Variants in FHIT observed in about 807,000 individuals in gnomAD.
FHIT encodes the protein fragile histidine triad diadenosine triphosphatase, also known as bis(5'-adenosyl)-triphosphatase.
In FHIT, 19 loss-of-function variants were observed where a neutral mutation model predicts 17.9. The observed-to-expected ratio is 1.06, with a 90% CI of 0.74 to 1.56. FHIT has a LOEUF of 1.56. FHIT is among the 40% of genes most tolerant of loss of function. The probability of loss-of-function intolerance (pLI) is 0.00; values close to 1 mark genes in which losing one functional copy is unlikely to be tolerated. For synonymous variants in FHIT, 81 were observed against 69.7 expected (o/e 1.16, Z -0.81); for missense variants, 248 against 189.2 (o/e 1.31, Z -1.82).
chr3:61,239,354 C>T (rs1185720663), intron 1 of FHIT, among the ~76,000 whole-genome samples: 1 of 152,152 alleles, frequency 6.6e-6, no homozygotes, highest in Non-Finnish European at 1.5e-5. Flanking sequence ...GCCTTCTTTT[C>T]TCCCTTTGAT....
At chr3:61,070,128 A>G (rs2034753863) in intron 2 of FHIT, among the ~76,000 whole-genome samples, 1 of 152,116 alleles carries the variant, frequency 6.6e-6, no homozygotes, top group African/African-American at 2.4e-5. Context: ...TCCTGACCTC[A>G]AATGATCCAC....
chr3:60,426,299 T>C lies in FHIT; in HGVS notation c.103+110561A>G, dbSNP rs145708769. ...CCATGGAAGTATTAAATGGGCAAAA[T>C]ACAATTGAAAGAAGAGAAAGATCTC... On this transcript the variant is annotated intron_variant, in intron 5 of 9. Transcript: ENST00000492590. Among the ~76,000 whole-genome samples, 1,439 of 152,216 alleles carry C rather than the reference T, an allele frequency of 9.5e-3. 13 individuals carry two copies. The highest frequency in any genetic ancestry group is 0.017 in the Middle Eastern group (5 of 294).
At chr3:60,249,283 T>C (rs965341297) in intron 5 of FHIT, among the ~76,000 whole-genome samples, 13 of 152,130 alleles carry the variant, frequency 8.5e-5, no homozygotes, top group Admixed American at 2.6e-4. Context: ...GAATGAACTA[T>C]TACTAAAAAA....
intron 5 of FHIT, among the ~76,000 whole-genome samples, chr3:60,041,363 T>C (rs1238771054): frequency 6.6e-6 from 1 of 152,228 alleles, no homozygotes; most frequent in African/African-American, 2.4e-5. Context: ...TATGTTTTTT[T>C]CTTGAGCCAA....
At chr3:59,872,112 C>A (rs1702952484) in intron 8 of FHIT, among the ~76,000 whole-genome samples, 1 of 152,150 alleles carries the variant, frequency 6.6e-6, no homozygotes, top group Admixed American at 6.6e-5. Context: ...CTTTCCCTAA[C>A]CATTTTATGC....
chr3:60,590,505 T>C (rs1032603293), intron 4 of FHIT, among the ~76,000 whole-genome samples: 7 of 152,130 alleles, frequency 4.6e-5, no homozygotes, highest in African/African-American at 1.7e-4. Context: ...CAGGGCATAA[T>C]ATATATGCAC....
At chr3:60,302,228 A>C (rs1708484938) in intron 5 of FHIT, among the ~76,000 whole-genome samples, 1 of 152,060 alleles carries the variant, frequency 6.6e-6, no homozygotes. Context: ...GTTCAAGGAA[A>C]GCTTGGTTTT....
In FHIT at chr3:60,636,086, A is replaced by G. The variant is rs112774299; in HGVS notation, c.-17-99107T>C. Among the ~76,000 whole-genome samples, 146 of 140,502 alleles carry G rather than the reference A, an allele frequency of 1.0e-3. 1 individual carries two copies. The highest frequency in any genetic ancestry group is 7.0e-3 in the Admixed American group (94 of 13,440). The allele number at this position is 140,502 out of a possible 152,430, so 92.2% of individuals were successfully genotyped here. On this transcript the variant is annotated intron_variant, in intron 4 of 9. Transcript: ENST00000492590. ...TGTACAATGATTTTTTTTTTTTGAG[A>G]CAGAGTCTTGCTCTCTCGCCCAGAC...
intron 5 of FHIT, among the ~76,000 whole-genome samples, chr3:60,375,515 C>CA (rs1375990602): frequency 2.6e-5 from 4 of 152,006 alleles, no homozygotes; most frequent in African/African-American, 9.7e-5. Context: ...GCAGAGGTTG[C>CA]AGTGAGCAGA....
At chr3:59,762,377 AC>A (rs1701566966) in intron 8 of FHIT, among the ~76,000 whole-genome samples, 1 of 152,142 alleles carries the variant, frequency 6.6e-6, no homozygotes, top group African/African-American at 2.4e-5. Context: ...ACTAAATTAC[AC>A]TTTTCCTCCC....
intron 5 of FHIT, among the ~76,000 whole-genome samples, chr3:60,224,533 G>A (rs564015103): frequency 6.6e-6 from 1 of 151,968 alleles, no homozygotes; most frequent in South Asian, 2.1e-4. Context: ...TCCCTCCTAA[G>A]CCATCCATGA....
chr3:61,044,874 G>A (rs2033707344), intron 2 of FHIT, among the ~76,000 whole-genome samples: 1 of 152,148 alleles, frequency 6.6e-6, no homozygotes, highest in Non-Finnish European at 1.5e-5. Context: ...TTCATAACTA[G>A]CCAAACTAAT....
chr3:59,947,401 T>A (rs1356933368), intron 7 of FHIT, among the ~76,000 whole-genome samples: 1 of 152,194 alleles, frequency 6.6e-6, no homozygotes, highest in Non-Finnish European at 1.5e-5. Flanking sequence ...GAATCTTCTT[T>A]TTTCCTTATT....
intron 5 of FHIT, among the ~76,000 whole-genome samples, chr3:60,244,252 G>A (rs1225978577): frequency 1.3e-5 from 2 of 151,934 alleles, no homozygotes; most frequent in Admixed American, 6.6e-5. Flanking sequence ...TCAAGGAAAG[G>A]GAATTGTCTA....
intron 2 of FHIT, among the ~76,000 whole-genome samples, chr3:61,094,189 G>C (rs1235322410): frequency 2.0e-5 from 3 of 151,956 alleles, no homozygotes; most frequent in Non-Finnish European, 2.9e-5. Flanking sequence ...CGCATCACTG[G>C]GTTAGAGGTA....
intron 5 of FHIT, among the ~76,000 whole-genome samples, chr3:60,381,751 G>GT (rs1240609587): frequency 6.0e-5 from 9 of 150,804 alleles, no homozygotes; most frequent in Admixed American, 4.6e-4. Context: ...TTCCTTTTTT[G>GT]TTTTTTTTCT....
At chr3:60,401,049 G>C (rs17062981) in intron 5 of FHIT, among the ~76,000 whole-genome samples, 1 of 151,898 alleles carries the variant, frequency 6.6e-6, no homozygotes, top group South Asian at 2.1e-4. Context: ...TCATTGATAC[G>C]GCTGGCCTGC....
intron 7 of FHIT, among the ~76,000 whole-genome samples, chr3:59,955,911 C>G (rs558321720): frequency 1.3e-5 from 2 of 152,316 alleles, no homozygotes; most frequent in South Asian, 2.1e-4. Context: ...GCCCAGCAAC[C>G]GCCATGGTGT....
intron 5 of FHIT, among the ~76,000 whole-genome samples, chr3:60,330,156 A>C (rs1709894684): frequency 6.6e-6 from 1 of 152,304 alleles, no homozygotes; most frequent in African/African-American, 2.4e-5. Context: ...TGTGTTTTAC[A>C]AACAACTGGG....
Sources: allele counts gnomAD v4.1 joint callset (sites outside exome capture counted in the v4.1 genomes callset), GRCh38; gene constraint gnomAD v4.1.1; transcripts MANE v1.5; gene names NCBI Gene and HGNC (gene_info 2026-07-23, HGNC 2026-07-21).